Variants in GLS observed in about 807,000 individuals in gnomAD.
The protein encoded by GLS is glutaminase kidney isoform, mitochondrial.
A neutral mutation model predicts 86.7 loss-of-function variants in GLS; 36 were observed. That is an observed-to-expected ratio of 0.42 (90% CI 0.32 to 0.55). The LOEUF is 0.55. GLS is among the 20% of genes least tolerant of loss of function. The probability of loss-of-function intolerance (pLI) is 0.17; values close to 1 mark genes in which losing one functional copy is unlikely to be tolerated. For synonymous variants in GLS, 317 were observed against 305.9 expected (o/e 1.04, Z -0.38); for missense variants, 528 against 833.4 (o/e 0.63, Z 4.51).
At position 190,913,093 on chromosome 2, in the gene GLS, C is replaced by A; in HGVS notation, c.1038+2772C>A. The A allele has an allele frequency of 1.9e-6, 2 of 1,032,544 alleles. No homozygotes were observed. Among genetic ancestry groups the A allele is most frequent in the South Asian group, 2.7e-5 (2 of 73,058 alleles). 64.0% of individuals were successfully genotyped at this position (1,032,544 alleles called of 1,614,324 possible). On this transcript the variant is annotated intron_variant, in intron 7 of 17. Coordinates refer to ENST00000320717, the MANE Select transcript of GLS (RefSeq NM_014905.5). The surrounding 1 kb of genome is among the most constrained non-coding windows in gnomAD (Gnocchi z 6.1). Reference sequence around the variant, plus strand: ...GAATTTATCATGGTGCCATTAAAATCATTTTCTTCATGTTAATCCCCCCAC... The same window carrying A: ...GAATTTATCATGGTGCCATTAAAATAATTTTCTTCATGTTAATCCCCCCAC...
rs750963706 is a variant in GLS at position 190,930,596 on chromosome 2, T to C, written c.1557+28T>C. On this transcript the variant is annotated intron_variant, in intron 13 of 17. Coordinates refer to ENST00000320717, the MANE Select transcript of GLS (RefSeq NM_014905.5). The surrounding 1 kb of genome is among the most constrained non-coding windows in gnomAD (Gnocchi z 5.0). Reference sequence around the variant, plus strand: ...AAGCATATTTTCTTAATGTAAATAATGGTGTTACAAGTTGAGCCATCCAAT... The same window carrying C: ...AAGCATATTTTCTTAATGTAAATAACGGTGTTACAAGTTGAGCCATCCAAT... 3 of 1,589,538 alleles carry C rather than the reference T, an allele frequency of 1.9e-6. No homozygotes were observed. In the East Asian group the frequency reaches 6.7e-5, roughly 36 times the overall value.
In GLS at chr2:190,921,054, T is replaced by C; in HGVS notation, c.1069T>C (p.Tyr357His). 6.3e-7 allele frequency: 1 copy of C among 1,585,008 alleles called. No individual in the cohort carries two copies. Among genetic ancestry groups the C allele is most frequent in the South Asian group, 1.1e-5 (1 of 90,342 alleles). ...QGVNNAEKFD[Y>H]VMQFLNKMAG... Reference sequence around the variant, plus strand: ...AGTAAATAATGCTGAAAAATTTGACTATGTAAGTGCAACATGTCATTCAGT... The same window carrying C: ...AGTAAATAATGCTGAAAAATTTGACCATGTAAGTGCAACATGTCATTCAGT... The change falls in exon 8 of 18, where the codon TAT becomes CAT. Residue 357 changes from tyrosine (Y) to histidine (H), a missense_variant and splice_region_variant. Tyr to His is a moderately conservative substitution (Grantham distance 83). Around this residue, in one of 4 missense-constraint regions of GLS, gnomAD observed 163 missense variants for 429.2 expected, o/e 0.38. Coordinates refer to ENST00000320717, the MANE Select transcript of GLS (RefSeq NM_014905.5). This position sits in a 1 kb window ranked among gnomAD's most constrained non-coding sequence, Gnocchi z 4.2.
rs1243661084 is a variant in GLS, at chr2:190,935,544, GT to G, written c.1650+3908del. The stretch of plus-strand genomic sequence containing the variant: ...ACTTTTCTTATTGGTTGTACTAGAA[GT>G]ATTTGAATAAAAACTTTTCTCTCAA... On this transcript the variant is annotated intron_variant, in intron 14 of 17. Coordinates refer to ENST00000320717, the MANE Select transcript of GLS (RefSeq NM_014905.5). The surrounding 1 kb of genome is among the most constrained non-coding windows in gnomAD (Gnocchi z 4.2). Among the ~76,000 whole-genome samples the G allele has an allele frequency of 6.6e-6, 1 of 151,168 alleles. No homozygotes were observed. Among genetic ancestry groups the G allele is most frequent in the Non-Finnish European group, 1.5e-5 (1 of 67,294 alleles).
In GLS at chr2:190,956,947, T is replaced by C. The variant is rs1405548478; in HGVS notation, c.1853+2129T>C. 1.3e-5 allele frequency among the ~76,000 whole-genome samples: 2 copies of C among 152,216 alleles called. No individual in the cohort carries two copies. Among genetic ancestry groups the C allele is most frequent in the African/African-American group, 4.8e-5 (2 of 41,458 alleles). On this transcript the variant is annotated intron_variant, in intron 17 of 17. Transcript: ENST00000320717. The surrounding 1 kb of genome is among the most constrained non-coding windows in gnomAD (Gnocchi z 4.2). ...TAGGAATGCCTGTGATTTTTGCACA[T>C]TGATTTTGTATCTTGAGACTTTGCT...
At chr2:190,882,151 A>AT (rs1688223966) in intron 1 of GLS, 1 of 152,226 alleles carries the variant, frequency 6.6e-6, no homozygotes, top group Non-Finnish European at 1.5e-5. Flanking sequence ...ACCTGTTTGC[A>AT]TAAGGGACCA....
At chr2:190,941,807 G>T (rs1690441826) in intron 14 of GLS, among the ~76,000 whole-genome samples, 1 of 151,988 alleles carries the variant, frequency 6.6e-6, no homozygotes, top group Non-Finnish European at 1.5e-5. Flanking sequence ...TAAGAGATGG[G>T]GCCATATTAT....
intron 7 of GLS, 27 bp downstream of exon 7, chr2:190,910,348 C>A: frequency 1.5e-6 from 2 of 1,322,364 alleles, no homozygotes; most frequent in South Asian, 2.6e-5. Flanking sequence ...TCATTTTAAC[C>A]TAGTAAAACT....
At position 190,951,595 on chromosome 2, in the gene GLS, GA is replaced by G. The variant is rs924427484; in HGVS notation, c.1651-1966del. ...GAGGAAGCTTTTTACTTTGAGCGAT[GA>G]AAACAGTTTTTATCTTTTTAGCAAA... On this transcript the variant is annotated intron_variant, in intron 14 of 17. Transcript: ENST00000320717. This position sits in a 1 kb window ranked among gnomAD's most constrained non-coding sequence, Gnocchi z 4.2. Among the ~76,000 whole-genome samples, 8 of 152,142 alleles carry G rather than the reference GA, an allele frequency of 5.3e-5. No individual in the cohort carries two copies. Among genetic ancestry groups the G allele is most frequent in the African/African-American group, 1.7e-4 (7 of 41,430 alleles).
chr2:190,905,289 C>A lies in GLS; in HGVS notation c.979+122C>A. The A allele has an allele frequency of 1.6e-6, 1 of 629,484 alleles. No homozygotes were observed. Among genetic ancestry groups the A allele is most frequent in the Non-Finnish European group, 2.7e-6 (1 of 369,650 alleles). 39.0% of individuals were successfully genotyped at this position (629,484 alleles called of 1,614,324 possible). Reference sequence around the variant, plus strand: ...ATTTGTCATGTGATTTCTATATAATCCATTGAGAGAGTTTCATCACCTACT... The same window carrying A: ...ATTTGTCATGTGATTTCTATATAATACATTGAGAGAGTTTCATCACCTACT... On this transcript the variant is annotated intron_variant, in intron 6 of 17. Transcript: ENST00000320717. The surrounding 1 kb of genome is among the most constrained non-coding windows in gnomAD (Gnocchi z 4.6).
At chr2:190,919,697 AT>A in intron 7 of GLS, 4 of 806,374 alleles carry the variant, frequency 5.0e-6, no homozygotes, top group Non-Finnish European at 6.0e-6. Flanking sequence ...TCTTTTAATT[AT>A]TTTTCATTGA....
chr2:190,951,882 G>A lies in GLS; in HGVS notation c.1651-1683G>A, dbSNP rs2124946143. On this transcript the variant is annotated intron_variant, in intron 14 of 17. Coordinates refer to ENST00000320717, the MANE Select transcript of GLS (RefSeq NM_014905.5). This position sits in a 1 kb window ranked among gnomAD's most constrained non-coding sequence, Gnocchi z 4.2. ...AAACAGTGGTTTATAACCCAGAAAA[G>A]TGCATATCAAAGTCACCTGGAGACT... Among the ~76,000 whole-genome samples, 1 of 152,302 alleles carries A rather than the reference G, an allele frequency of 6.6e-6. No homozygotes were observed. Among genetic ancestry groups the A allele is most frequent in the East Asian group, 1.9e-4 (1 of 5,180 alleles).
intron 3 of GLS, among the ~76,000 whole-genome samples, chr2:190,898,346 G>GAT (rs778637030): frequency 1.3e-5 from 2 of 152,200 alleles, no homozygotes; most frequent in South Asian, 4.1e-4. Context: ...AAAGGACAGA[G>GAT]ATATATATAA....
chr2:190,940,614 T>G (rs1690397372), intron 14 of GLS, among the ~76,000 whole-genome samples: 1 of 152,124 alleles, frequency 6.6e-6, no homozygotes, highest in African/African-American at 2.4e-5. Flanking sequence ...GTCAGATAAC[T>G]CATTGCTTTT....
At chr2:190,934,504 C>A in intron 14 of GLS, 1 of 983,576 alleles carries the variant, frequency 1.0e-6, no homozygotes. Flanking sequence ...GGATGCTTCT[C>A]AAGGCCTTAC....
rs1293462604 is a variant in GLS, at chr2:190,951,867, TTA to T, written c.1651-1695_1651-1694del. On this transcript the variant is annotated intron_variant, in intron 14 of 17. Transcript: ENST00000320717. The surrounding 1 kb of genome is among the most constrained non-coding windows in gnomAD (Gnocchi z 4.2). ...CATTAAGGACACCTGAAACAGTGGT[TTA>T]TAACCCAGAAAAGTGCATATCAAAG... 6.6e-6 allele frequency among the ~76,000 whole-genome samples: 1 copy of T among 152,174 alleles called. No individual in the cohort carries two copies. The highest frequency in any genetic ancestry group is 1.9e-4 in the East Asian group (1 of 5,200).
chr2:190,933,600 A>G (rs1313048779), intron 14 of GLS: 6 of 935,772 alleles, frequency 6.4e-6, no homozygotes, highest in South Asian at 4.9e-5. Context: ...TGTTTCATCA[A>G]TAAAAAGCTA....
At chr2:190,909,392 TA>T (rs1689276432) in intron 6 of GLS, among the ~76,000 whole-genome samples, 1 of 152,186 alleles carries the variant, frequency 6.6e-6, no homozygotes, top group Non-Finnish European at 1.5e-5. Context: ...TATCATGTTA[TA>T]AAATAGATCT....
At chr2:190,903,645 T>C (rs1490229986) in intron 5 of GLS, among the ~76,000 whole-genome samples, 2 of 152,230 alleles carry the variant, frequency 1.3e-5, no homozygotes, top group Admixed American at 6.5e-5. Flanking sequence ...TCTATGTCTC[T>C]TAGTTTTTTT....
chr2:190,937,686 G>A (rs967189643), intron 14 of GLS, among the ~76,000 whole-genome samples: 1 of 151,014 alleles, frequency 6.6e-6, no homozygotes, highest in African/African-American at 2.4e-5. Flanking sequence ...TTTGTAAGTT[G>A]TAGCTAATAG....
Sources: gnomAD v4.1 joint callset for allele counts (sites outside exome capture counted in the v4.1 genomes callset) on GRCh38, gnomAD v4.1.1 for gene constraint, gnomAD v4.1.1 regional missense constraint, Gnocchi (gnomAD v3.1) non-coding constraint, MANE v1.5 for transcripts, NCBI Gene and HGNC (gene_info 2026-07-23, HGNC 2026-07-21) for gene names.